Variants in MYO5B observed in about 807,000 individuals in gnomAD.
MYO5B encodes myosin VB.
A neutral mutation model predicts 229.3 loss-of-function variants in MYO5B; 143 were observed. The observed-to-expected ratio is 0.62, with a 90% CI of 0.54 to 0.72. The LOEUF is 0.72. Among genes scored for constraint, MYO5B ranks in the 30% least tolerant of loss-of-function variants. MYO5B has a pLI of 0.00. For synonymous variants in MYO5B, 918 were observed against 885.2 expected, an observed-to-expected ratio of 1.04 and a Z score of -0.66; for missense variants, 2,321 against 2,331.0, an observed-to-expected ratio of 1.00 and a Z score of 0.09.
In MYO5B at chr18:49,849,558, C is replaced by T. The variant is rs113660613; in HGVS notation, c.4315+9G>A. 6 of 1,595,574 alleles carry T rather than the reference C, an allele frequency of 3.8e-6. No homozygotes were observed. In the African/African-American group the frequency reaches 4.0e-5, roughly 11 times the overall value. On this transcript the variant is annotated intron_variant, in intron 32 of 39. Coordinates refer to ENST00000285039, the MANE Select transcript of MYO5B (RefSeq NM_001080467.3). ...GATTCACAAAACACACTCACTCACA[C>T]CCCCCTACCTTCTAGGTCCTGGGCT... is the stretch of plus-strand genomic sequence containing the variant.
chr18:50,073,719 T>C (rs1387409786), intron 1 of MYO5B, among the ~76,000 whole-genome samples: 1 of 152,116 alleles, frequency 6.6e-6, no homozygotes, highest in East Asian at 1.9e-4. Flanking sequence ...AAGCCAAAAT[T>C]GAGCCCCTGA....
At chr18:50,148,480 T>A (rs2032541688) in intron 1 of MYO5B, among the ~76,000 whole-genome samples, 1 of 152,012 alleles carries the variant, frequency 6.6e-6, no homozygotes, top group Non-Finnish European at 1.5e-5. Flanking sequence ...AAAAAGCTTA[T>A]CCGCCATGAT....
chr18:49,883,404 A>G (rs994621367), intron 22 of MYO5B, among the ~76,000 whole-genome samples: 1 of 152,258 alleles, frequency 6.6e-6, no homozygotes, highest in African/African-American at 2.4e-5. Flanking sequence ...ATAATGGCAT[A>G]AAATATTTAG....
chr18:50,066,804 A>G (rs1022780181), intron 1 of MYO5B, among the ~76,000 whole-genome samples: 24 of 152,200 alleles, frequency 1.6e-4, no homozygotes, highest in African/African-American at 5.8e-4. Flanking sequence ...AGCAGACACT[A>G]TCAATAATAC....
chr18:50,095,432 C>A (rs2031532179), intron 1 of MYO5B, among the ~76,000 whole-genome samples: 1 of 152,286 alleles, frequency 6.6e-6, no homozygotes, highest in African/African-American at 2.4e-5. Flanking sequence ...AGTTTAATCA[C>A]CGTGACATTT....
At chr18:49,835,518 T>C (rs1008817375) in intron 38 of MYO5B, 94 bp from the exon 39 acceptor site, 10 of 825,418 alleles carry the variant, frequency 1.2e-5, no homozygotes, top group Admixed American at 1.1e-4. Flanking sequence ...TACAAGAGTA[T>C]GATCCTCTTT....
intron 12 of MYO5B, among the ~76,000 whole-genome samples, chr18:49,960,933 G>A (rs574905868): frequency 7.2e-4 from 109 of 152,310 alleles, no homozygotes; most frequent in African/African-American, 2.4e-3. Context: ...TGGCCCCAGG[G>A]AGCCACACCA....
chr18:49,841,343 G>C, intron 35 of MYO5B, 22 bp downstream of exon 35: 1 of 1,608,930 alleles, frequency 6.2e-7, no homozygotes, highest in Middle Eastern at 1.7e-4. Context: ...AATGCCTCCT[G>C]GGTGCCTGGC....
At chr18:50,192,394 C>A (rs1429482867) in intron 1 of MYO5B, among the ~76,000 whole-genome samples, 1 of 152,158 alleles carries the variant, frequency 6.6e-6, no homozygotes, top group East Asian at 1.9e-4. Context: ...CAAAGACTGC[C>A]AAGAGGTGGA....
chr18:50,026,527 A>G (rs1396154445), intron 4 of MYO5B, among the ~76,000 whole-genome samples: 2 of 152,254 alleles, frequency 1.3e-5, no homozygotes, highest in Non-Finnish European at 2.9e-5. Flanking sequence ...AACCTATTAA[A>G]AAGTCCAAAA....
chr18:50,158,934 C>T (rs142182798), intron 1 of MYO5B, among the ~76,000 whole-genome samples: 1 of 152,186 alleles, frequency 6.6e-6, no homozygotes, highest in Non-Finnish European at 1.5e-5. Flanking sequence ...CTGTGCTACC[C>T]TACACCACGA....
chr18:49,955,395 T>A (rs2025481494), intron 12 of MYO5B, among the ~76,000 whole-genome samples: 1 of 152,230 alleles, frequency 6.6e-6, no homozygotes, highest in Admixed American at 6.5e-5. Context: ...TCCCTGGTCA[T>A]CGCTGCACAC....
Position 50,131,301 on chromosome 18 carries a change from C to T in MYO5B, c.27+63466G>A, listed in dbSNP as rs569323546. 1.6e-4 allele frequency among the ~76,000 whole-genome samples: 25 copies of T among 152,342 alleles called. No homozygotes were observed. In the South Asian group the frequency reaches 4.1e-3, roughly 25 times the overall value. Reference sequence around the variant, plus strand: ...AACTCACTGGCCTTTTGTTGCCAGACTTTGGCTACCAGGAAGAAACATCCC... The same window carrying T: ...AACTCACTGGCCTTTTGTTGCCAGATTTTGGCTACCAGGAAGAAACATCCC... On this transcript the variant is annotated intron_variant, in intron 1 of 39. Transcript: ENST00000285039.
At chr18:50,104,371 A>T (rs576033014) in intron 1 of MYO5B, among the ~76,000 whole-genome samples, 35 of 151,478 alleles carry the variant, frequency 2.3e-4, no homozygotes, top group Admixed American at 7.2e-4. Context: ...ACCAATTTTT[A>T]AAAAAATGTT....
At chr18:50,175,665 C>T (rs111472996) in intron 1 of MYO5B, among the ~76,000 whole-genome samples, 1,590 of 152,336 alleles carry the variant, frequency 0.01, 29 homozygotes, top group African/African-American at 0.036. Flanking sequence ...CATTTCTAGA[C>T]ACCTTTCAGG....
chr18:49,978,134 A>AT (rs1419062661), intron 9 of MYO5B, among the ~76,000 whole-genome samples: 5 of 152,140 alleles, frequency 3.3e-5, no homozygotes, highest in Non-Finnish European at 7.4e-5. Context: ...ACCAGGTAGC[A>AT]TCCAAACCTC....
At chr18:49,885,142 G>C (rs1485271078) in intron 22 of MYO5B, among the ~76,000 whole-genome samples, 1 of 152,172 alleles carries the variant, frequency 6.6e-6, no homozygotes, top group Non-Finnish European at 1.5e-5. Flanking sequence ...AGATACCCAA[G>C]ATAAATGAAA....
intron 1 of MYO5B, among the ~76,000 whole-genome samples, chr18:50,087,487 C>T (rs1246264852): frequency 6.7e-6 from 1 of 150,202 alleles, no homozygotes; most frequent in South Asian, 2.1e-4. Flanking sequence ...GCAGGAGAAT[C>T]GCTTGAACCT....
chr18:49,950,961 T>C (rs1264925442), intron 14 of MYO5B, among the ~76,000 whole-genome samples: 1 of 152,132 alleles, frequency 6.6e-6, no homozygotes, highest in Non-Finnish European at 1.5e-5. Flanking sequence ...ATGCAAACAA[T>C]AATTTATGTT....
Sources: allele counts gnomAD v4.1 joint callset (sites outside exome capture counted in the v4.1 genomes callset), GRCh38; gene constraint gnomAD v4.1.1; transcripts MANE v1.5; gene names NCBI Gene and HGNC (gene_info 2026-07-23, HGNC 2026-07-21).